NXPH1: variants seen among roughly 807,000 people sequenced by gnomAD.
The protein encoded by NXPH1 is neurexophilin-1.
NXPH1 carries 5 observed loss-of-function variants against 23.7 expected under a neutral mutation model. The ratio of observed to expected loss-of-function variants is 0.21; its 90% CI spans 0.11 to 0.44. The LOEUF (loss-of-function observed/expected upper bound fraction) is 0.44, where lower values mean the gene tolerates loss of function less well. Among genes scored for constraint, NXPH1 ranks in the 20% least tolerant of loss-of-function variants. The pLI is 0.99. For synonymous variants in NXPH1, 144 were observed against 122.2 expected (o/e 1.18, Z -1.18); for missense variants, 324 against 321.6 (o/e 1.01, Z -0.06).
At chr7:8,682,581 G>T (rs1056604038) in intron 2 of NXPH1, among the ~76,000 whole-genome samples, 1 of 151,950 alleles carries the variant, frequency 6.6e-6, no homozygotes, top group African/African-American at 2.4e-5. Flanking sequence ...TATCATCTGG[G>T]GAAAAATCAC....
At chr7:8,523,546 G>C (rs1248911852) in intron 2 of NXPH1, among the ~76,000 whole-genome samples, 1 of 152,208 alleles carries the variant, frequency 6.6e-6, no homozygotes, top group African/African-American at 2.4e-5. Flanking sequence ...AATGTTCTTA[G>C]AGGGAAAAGA....
chr7:8,582,687 G>A (rs1429492984), intron 2 of NXPH1, among the ~76,000 whole-genome samples: 1 of 152,128 alleles, frequency 6.6e-6, no homozygotes, highest in Non-Finnish European at 1.5e-5. Context: ...AAGGGAGGAA[G>A]TGCATGCTGA....
intron 2 of NXPH1, among the ~76,000 whole-genome samples, chr7:8,670,719 T>A (rs929839103): frequency 3.9e-4 from 60 of 152,236 alleles, no homozygotes; most frequent in African/African-American, 1.4e-3. Context: ...TATCACAATA[T>A]AAAAGCAATT....
intron 2 of NXPH1, among the ~76,000 whole-genome samples, chr7:8,631,169 G>C: frequency 6.6e-6 from 1 of 152,112 alleles, no homozygotes; most frequent in Non-Finnish European, 1.5e-5. Flanking sequence ...TCTTTATCCA[G>C]TCTATCATTG....
rs573758858 is a variant in NXPH1 at position 8,694,620 on chromosome 7, A to G, written c.55-56388A>G. On this transcript the variant is annotated intron_variant, in intron 2 of 2. Transcript: ENST00000405863. ...TTTTTCATATTTGATTCATCATTTG[A>G]TTGATTTTTATATGTTCTAGCAGGA... is the stretch of plus-strand genomic sequence containing the variant. Among the ~76,000 whole-genome samples the G allele has an allele frequency of 2.6e-5, 4 of 152,302 alleles. No homozygotes were observed. The East Asian group carries it at 5.8e-4, about 22-fold the overall frequency.
At position 8,435,980 on chromosome 7, in the gene NXPH1, C is replaced by A. The variant is rs1816186703; in HGVS notation, c.54+213C>A. The stretch of plus-strand genomic sequence containing the variant: ...TCTGCTCCAATCCCCCAGTCTCCTG[C>A]GCGTGATTCTTGAAAGGGGCTAGGG... On this transcript the variant is annotated intron_variant, in intron 2 of 2. Coordinates refer to ENST00000405863, the MANE Select transcript of NXPH1 (RefSeq NM_152745.3). This position sits in a 1 kb window ranked among gnomAD's most constrained non-coding sequence, Gnocchi z 5.9. Among the ~76,000 whole-genome samples the A allele has an allele frequency of 6.6e-6, 1 of 152,128 alleles. No individual in the cohort carries two copies. Among genetic ancestry groups the A allele is most frequent in the South Asian group, 2.1e-4 (1 of 4,828 alleles).
chr7:8,658,410 C>T (rs1053276570), intron 2 of NXPH1, among the ~76,000 whole-genome samples: 4 of 152,102 alleles, frequency 2.6e-5, no homozygotes, highest in African/African-American at 9.7e-5. Context: ...TTAAGTTTCC[C>T]TTGGTTCACA....
chr7:8,468,567 C>T (rs556335715), intron 2 of NXPH1, among the ~76,000 whole-genome samples: 5 of 152,066 alleles, frequency 3.3e-5, no homozygotes, highest in Admixed American at 3.3e-4. Context: ...TCTTATTTTT[C>T]ATCAATACTC....
chr7:8,515,717 T>C (rs1817676756), intron 2 of NXPH1, among the ~76,000 whole-genome samples: 1 of 152,156 alleles, frequency 6.6e-6, no homozygotes, highest in Non-Finnish European at 1.5e-5. Flanking sequence ...AGAAACGTTT[T>C]TATTGCAGGT....
chr7:8,549,559 C>G (rs569894292), intron 2 of NXPH1, among the ~76,000 whole-genome samples: 3 of 151,558 alleles, frequency 2.0e-5, no homozygotes, highest in African/African-American at 7.2e-5. Context: ...TTTCTTCCCC[C>G]TCTATGGAAG....
intron 2 of NXPH1, among the ~76,000 whole-genome samples, chr7:8,592,893 T>C (rs1357121640): frequency 1.3e-5 from 2 of 151,428 alleles, no homozygotes; most frequent in Non-Finnish European, 2.9e-5. Context: ...TCACAGGTCA[T>C]ACAAAAACAG....
chr7:8,603,003 GT>G (rs928313496), intron 2 of NXPH1, among the ~76,000 whole-genome samples: 2 of 152,110 alleles, frequency 1.3e-5, no homozygotes, highest in African/African-American at 4.8e-5. Flanking sequence ...TAGAGACGGG[GT>G]TTTACCATGT....
chr7:8,705,247 C>T (rs1419249704), intron 2 of NXPH1, among the ~76,000 whole-genome samples: 1 of 152,110 alleles, frequency 6.6e-6, no homozygotes, highest in East Asian at 1.9e-4. Context: ...ACAGTTTATC[C>T]CCTTAGTGGG....
At chr7:8,556,319 T>A (rs1818358459) in intron 2 of NXPH1, among the ~76,000 whole-genome samples, 1 of 151,724 alleles carries the variant, frequency 6.6e-6, no homozygotes, top group Non-Finnish European at 1.5e-5. Context: ...TTGGAAGTAA[T>A]TGCTCAACTC....
At chr7:8,603,724 T>C (rs1192539393) in intron 2 of NXPH1, among the ~76,000 whole-genome samples, 1 of 152,206 alleles carries the variant, frequency 6.6e-6, no homozygotes, top group Non-Finnish European at 1.5e-5. Flanking sequence ...TATTTTTTAC[T>C]CTCTCCAGGA....
At chr7:8,531,652 G>A (rs1817951586) in intron 2 of NXPH1, among the ~76,000 whole-genome samples, 1 of 152,108 alleles carries the variant, frequency 6.6e-6, no homozygotes, top group African/African-American at 2.4e-5. Flanking sequence ...TAGGTTCTTT[G>A]CTTGCTTTTG....
At chr7:8,701,757 G>T (rs1779626884) in intron 2 of NXPH1, among the ~76,000 whole-genome samples, 1 of 151,998 alleles carries the variant, frequency 6.6e-6, no homozygotes, top group Admixed American at 6.6e-5. Flanking sequence ...GTAAATATTT[G>T]TTGGCTGAAT....
At chr7:8,472,094 C>G (rs1268620235) in intron 2 of NXPH1, among the ~76,000 whole-genome samples, 1 of 151,786 alleles carries the variant, frequency 6.6e-6, no homozygotes, top group African/African-American at 2.4e-5. Context: ...TATTTTATTT[C>G]CATAGGTGAT....
chr7:8,586,355 G>A (rs1006155895), intron 2 of NXPH1, among the ~76,000 whole-genome samples: 8 of 152,098 alleles, frequency 5.3e-5, no homozygotes, highest in Non-Finnish European at 1.2e-4. Flanking sequence ...GTTTAGTATG[G>A]AATTCGATAA....
Sources: gnomAD v4.1 joint callset for allele counts (sites outside exome capture counted in the v4.1 genomes callset) on GRCh38, gnomAD v4.1.1 for gene constraint, Gnocchi (gnomAD v3.1) non-coding constraint, MANE v1.5 for transcripts, NCBI Gene and HGNC (gene_info 2026-07-23, HGNC 2026-07-21) for gene names.